AGTPBP1: variants seen among roughly 807,000 people sequenced by gnomAD.
AGTPBP1 encodes ATP/GTP binding carboxypeptidase 1, also known as cytosolic carboxypeptidase 1.
In AGTPBP1, 70 loss-of-function variants were observed where a neutral mutation model predicts 143.9. The ratio of observed to expected loss-of-function variants is 0.49; its 90% CI spans 0.40 to 0.59. AGTPBP1 has a LOEUF of 0.59. Ranked by LOEUF, AGTPBP1 falls within the 20% of genes least tolerant of loss-of-function variation. AGTPBP1 has a pLI of 0.00. For missense variants in AGTPBP1, 1,229 were observed against 1,464.5 expected (o/e 0.84, Z 2.62); for synonymous variants, 463 against 500.2 (o/e 0.93, Z 0.99).
chr9:85,638,696 T>C (rs1832249082), intron 13 of AGTPBP1, among the ~76,000 whole-genome samples: 1 of 151,994 alleles, frequency 6.6e-6, no homozygotes, highest in Non-Finnish European at 1.5e-5. Context: ...GAGGTAAAGA[T>C]AGTAACTTCA....
At chr9:85,792,750 ACTTT>A in the AGTPBP1 span, among the ~76,000 whole-genome samples, 2 of 152,118 alleles carry the variant, frequency 1.3e-5, no homozygotes, top group Non-Finnish European at 2.9e-5. Flanking sequence ...ACATAGTCTT[ACTTT>A]ATCAAATAAA....
chr9:85,706,509 CAA>C (rs781239393), intron 2 of AGTPBP1, among the ~76,000 whole-genome samples: 21 of 62,216 alleles, frequency 3.4e-4, no homozygotes, highest in Admixed American at 5.4e-4. Flanking sequence ...GACTCTGTCT[CAA>C]AAAAAAAAAA....
chr9:85,691,603 C>T, intron 3 of AGTPBP1, among the ~76,000 whole-genome samples: 1 of 147,870 alleles, frequency 6.8e-6, no homozygotes, highest in African/African-American at 2.5e-5. Flanking sequence ...CATCAAAGTC[C>T]TTTTTACTAT....
intron 11 of AGTPBP1, among the ~76,000 whole-genome samples, chr9:85,647,453 TA>T (rs1164031911): frequency 2.0e-5 from 3 of 151,870 alleles, no homozygotes; most frequent in African/African-American, 7.3e-5. Context: ...ATACCAAAGA[TA>T]AACACTAATG....
chr9:85,752,301 C>A, the AGTPBP1 span, among the ~76,000 whole-genome samples: 5 of 152,058 alleles, frequency 3.3e-5, no homozygotes, highest in East Asian at 9.7e-4. Context: ...AGACCATGAT[C>A]TGTCTTCCAA....
At chr9:85,648,540 C>G (rs550020876) in intron 11 of AGTPBP1, among the ~76,000 whole-genome samples, 1 of 152,224 alleles carries the variant, frequency 6.6e-6, no homozygotes, top group South Asian at 2.1e-4. Flanking sequence ...AATTAAGGCG[C>G]GGTGGTTCAC....
chr9:85,682,412 AAGG>A (rs1835246813), intron 3 of AGTPBP1, among the ~76,000 whole-genome samples: 1 of 152,186 alleles, frequency 6.6e-6, no homozygotes. Context: ...TAAGTTCAGA[AAGG>A]AGAATAAATC....
At chr9:85,589,768 C>A in intron 19 of AGTPBP1, 87 bp from the exon 20 acceptor site, 1 of 1,274,158 alleles carries the variant, frequency 7.8e-7, no homozygotes, top group Non-Finnish European at 1.1e-6. Context: ...CTCCACATAA[C>A]TAGAAGTGAA....
chr9:85,769,811 A>T, the AGTPBP1 span, among the ~76,000 whole-genome samples: 1 of 152,124 alleles, frequency 6.6e-6, no homozygotes, highest in Non-Finnish European at 1.5e-5. Context: ...CACTGAAGGG[A>T]CAACAGTGAG....
chr9:85,692,524 T>C (rs1835948078), intron 3 of AGTPBP1, among the ~76,000 whole-genome samples, 165 bp downstream of exon 3: 1 of 152,146 alleles, frequency 6.6e-6, no homozygotes, highest in Admixed American at 6.6e-5. Flanking sequence ...TCTGCCCACC[T>C]TGGCCTCCCA....
chr9:85,579,823 C>T (rs1828135864), intron 23 of AGTPBP1, among the ~76,000 whole-genome samples: 2 of 149,356 alleles, frequency 1.3e-5, no homozygotes, highest in South Asian at 4.3e-4. Flanking sequence ...ACTAGATAGT[C>T]ACTAAGAAAA....
chr9:85,688,347 T>C (rs1835629600), intron 3 of AGTPBP1, among the ~76,000 whole-genome samples: 1 of 152,128 alleles, frequency 6.6e-6, no homozygotes, highest in Admixed American at 6.6e-5. Context: ...CTGATCTATA[T>C]ATTATAGAAT....
intron 13 of AGTPBP1, among the ~76,000 whole-genome samples, chr9:85,634,660 T>C (rs1831916395): frequency 6.6e-6 from 1 of 152,154 alleles, no homozygotes; most frequent in South Asian, 2.1e-4. Flanking sequence ...CTTTTTTGGA[T>C]GATTTAAACA....
At chr9:85,550,517 T>C (rs1825976889) in intron 25 of AGTPBP1, among the ~76,000 whole-genome samples, 1 of 152,166 alleles carries the variant, frequency 6.6e-6, no homozygotes, top group Admixed American at 6.5e-5. Context: ...TAAAAATGCT[T>C]TCTTAGCCAA....
At chr9:85,673,734 T>G (rs186119531) in intron 6 of AGTPBP1, among the ~76,000 whole-genome samples, 1 of 152,222 alleles carries the variant, frequency 6.6e-6, no homozygotes, top group African/African-American at 2.4e-5. Context: ...ATGGGTATAT[T>G]AAATGCCCAG....
rs57074552 is a variant in AGTPBP1 at position 85,599,110 on chromosome 9, A to AACACACACACACACACAC, written c.2336-2679_2336-2662dup. Among the ~76,000 whole-genome samples the AACACACACACACACACAC allele has an allele frequency of 7.9e-4, 107 of 135,490 alleles. 1 individual carries two copies. The East Asian group carries it at 9.2e-3, about 12-fold the overall frequency. The allele number at this position is 135,490 out of a possible 152,430, so 88.9% of individuals were successfully genotyped here. A position where few individuals can be genotyped will look rare whatever the true frequency, so the allele number is the denominator to read the frequency against. ...CCATTCGTTTTCAACCTTGTCACTGAACACACACACACACACACACACACA... is the reference window on the plus strand; with the variant it reads ...CCATTCGTTTTCAACCTTGTCACTGAACACACACACACACACACACACACACACACACACACACACACA... On this transcript the variant is annotated intron_variant, in intron 17 of 25. Transcript: ENST00000357081.
At chr9:85,762,829 A>T in the AGTPBP1 span, among the ~76,000 whole-genome samples, 1 of 148,284 alleles carries the variant, frequency 6.7e-6, no homozygotes, top group East Asian at 1.9e-4. Context: ...CTTTATATAT[A>T]TATAAACTTT....
intron 13 of AGTPBP1, among the ~76,000 whole-genome samples, chr9:85,636,101 C>T (rs911337241): frequency 6.6e-6 from 1 of 151,766 alleles, no homozygotes; most frequent in African/African-American, 2.4e-5. Flanking sequence ...CCTAAACATA[C>T]AATTCAACAA....
At chr9:85,711,850 C>T (rs1214806078) in intron 2 of AGTPBP1, among the ~76,000 whole-genome samples, 1 of 152,108 alleles carries the variant, frequency 6.6e-6, no homozygotes, top group East Asian at 1.9e-4. Flanking sequence ...TGGCCACAGA[C>T]AATATGTAAA....
Sources: gnomAD v4.1 joint callset for allele counts (sites outside exome capture counted in the v4.1 genomes callset) on GRCh38, gnomAD v4.1.1 for gene constraint, MANE v1.5 for transcripts, NCBI Gene and HGNC (gene_info 2026-07-23, HGNC 2026-07-21) for gene names.